SHISA6: variants seen among roughly 807,000 people sequenced by gnomAD.
The protein encoded by SHISA6 is protein shisa-6.
In SHISA6, 22 loss-of-function variants were observed where a neutral mutation model predicts 47.9. The observed-to-expected ratio is 0.46, with a 90% CI of 0.33 to 0.66. The LOEUF is 0.66. SHISA6 is among the 30% of genes least tolerant of loss of function. The pLI is 0.02. For synonymous variants in SHISA6, 388 were observed against 337.8 expected, an observed-to-expected ratio of 1.15 and a Z score of -1.63; for missense variants, 680 against 764.6, an observed-to-expected ratio of 0.89 and a Z score of 1.30.
intron 2 of SHISA6, among the ~76,000 whole-genome samples, chr17:11,357,162 T>C (rs995526268): frequency 1.7e-5 from 2 of 115,792 alleles, no homozygotes; most frequent in Admixed American, 1.3e-4. Flanking sequence ...CACTCCAGCC[T>C]GGGCGACAGA....
At chr17:11,263,550 A>G (rs1257960220) in intron 2 of SHISA6, 24 bp downstream of exon 2, 2 of 1,551,084 alleles carry the variant, frequency 1.3e-6, no homozygotes, top group Admixed American at 3.9e-5. Flanking sequence ...GGGCACCTTG[A>G]TTCTTTGCTG....
intron 1 of SHISA6, among the ~76,000 whole-genome samples, chr17:11,260,776 C>T (rs1182776586): frequency 6.6e-6 from 1 of 152,014 alleles, no homozygotes; most frequent in Non-Finnish European, 1.5e-5. Flanking sequence ...TCCCATTTCT[C>T]TCCTCTCTCC....
At chr17:11,403,918 A>G (rs1913859994) in intron 3 of SHISA6, among the ~76,000 whole-genome samples, 1 of 152,196 alleles carries the variant, frequency 6.6e-6, no homozygotes, top group Non-Finnish European at 1.5e-5. Flanking sequence ...TCAGGAACAC[A>G]GTTGCTTGGA....
At chr17:11,472,942 C>T (rs1915966487) in intron 3 of SHISA6, among the ~76,000 whole-genome samples, 1 of 152,030 alleles carries the variant, frequency 6.6e-6, no homozygotes, top group Non-Finnish European at 1.5e-5. Flanking sequence ...GGTTATTTGC[C>T]AGCTATATAT....
chr17:11,540,698 G>T (rs2071826070), intron 3 of SHISA6, among the ~76,000 whole-genome samples: 1 of 152,126 alleles, frequency 6.6e-6, no homozygotes, highest in Admixed American at 6.5e-5. Flanking sequence ...TAATAAAATG[G>T]GTTATTTATG....
chr17:11,402,677 A>C (rs1913818629), intron 3 of SHISA6, among the ~76,000 whole-genome samples: 3 of 152,238 alleles, frequency 2.0e-5, no homozygotes, highest in Admixed American at 1.3e-4. Context: ...TGGCCACAGC[A>C]AGTCACATGG....
At chr17:11,283,401 A>C (rs1340328805) in intron 2 of SHISA6, among the ~76,000 whole-genome samples, 2 of 152,196 alleles carry the variant, frequency 1.3e-5, no homozygotes, top group African/African-American at 2.4e-5. Context: ...ACTTCAACTC[A>C]AGTTTTCTGA....
At chr17:11,433,832 A>G (rs907617727) in intron 3 of SHISA6, among the ~76,000 whole-genome samples, 1 of 152,040 alleles carries the variant, frequency 6.6e-6, no homozygotes, top group African/African-American at 2.4e-5. Flanking sequence ...TCAAGATGCA[A>G]AGCCCCAGGA....
At chr17:11,325,400 T>C (rs963129330) in intron 2 of SHISA6, among the ~76,000 whole-genome samples, 3 of 152,232 alleles carry the variant, frequency 2.0e-5, no homozygotes, top group Admixed American at 1.3e-4. Flanking sequence ...CCCGAGGGCA[T>C]TGGGCAGCTG....
intron 3 of SHISA6, among the ~76,000 whole-genome samples, chr17:11,535,220 C>A (rs990723344): frequency 3.9e-5 from 6 of 152,128 alleles, no homozygotes; most frequent in African/African-American, 1.4e-4. Flanking sequence ...GCATGTTCAT[C>A]CATGTCCATA....
At chr17:11,455,588 G>A (rs898832723) in intron 3 of SHISA6, among the ~76,000 whole-genome samples, 1 of 152,120 alleles carries the variant, frequency 6.6e-6, no homozygotes, top group African/African-American at 2.4e-5. Context: ...CACCCAAATG[G>A]CACTCTTCAC....
chr17:11,405,162 A>G (rs1344171275), intron 3 of SHISA6, among the ~76,000 whole-genome samples: 5 of 152,242 alleles, frequency 3.3e-5, no homozygotes, highest in African/African-American at 1.2e-4. Flanking sequence ...AACTTCAATA[A>G]GCTTCCAAGA....
chr17:11,550,528 G>A (rs1233597124), intron 3 of SHISA6, among the ~76,000 whole-genome samples: 1 of 152,144 alleles, frequency 6.6e-6, no homozygotes, highest in Non-Finnish European at 1.5e-5. Context: ...TTAGGAGATG[G>A]CTACAGGGAA....
intron 3 of SHISA6, among the ~76,000 whole-genome samples, chr17:11,495,765 CT>C (rs140009351): frequency 0.1 from 15,818 of 152,222 alleles, 1,038 homozygotes; most frequent in Non-Finnish European, 0.14. Flanking sequence ...ATATTATGGG[CT>C]AACATTCTGT....
chr17:11,473,096 C>T (rs558552242), intron 3 of SHISA6, among the ~76,000 whole-genome samples: 2 of 152,216 alleles, frequency 1.3e-5, no homozygotes, highest in East Asian at 1.9e-4. Flanking sequence ...CATATATTTC[C>T]TCCCAGGCTG....
chr17:11,354,052 A>G (rs73975305), intron 2 of SHISA6, among the ~76,000 whole-genome samples: 8 of 152,184 alleles, frequency 5.3e-5, no homozygotes, highest in African/African-American at 1.9e-4. Flanking sequence ...TCAGATGTTT[A>G]TCAGTATCCC....
chr17:11,446,425 G>A (rs2142301591), intron 3 of SHISA6, among the ~76,000 whole-genome samples: 1 of 152,306 alleles, frequency 6.6e-6, no homozygotes, highest in East Asian at 1.9e-4. Flanking sequence ...GCAGCTCTCT[G>A]GCCCTGCCGC....
At chr17:11,549,982 C>G (rs968913141) in intron 3 of SHISA6, among the ~76,000 whole-genome samples, 1 of 152,124 alleles carries the variant, frequency 6.6e-6, no homozygotes, top group African/African-American at 2.4e-5. Context: ...ATCTGTCTTG[C>G]GAAGGGACAG....
intron 2 of SHISA6, among the ~76,000 whole-genome samples, chr17:11,264,095 C>G (rs894732220): frequency 2.0e-5 from 3 of 152,104 alleles, no homozygotes; most frequent in Non-Finnish European, 4.4e-5. Context: ...AAGAAAATGG[C>G]AGGGCTTATT....
Sources: gnomAD v4.1 joint callset for allele counts (sites outside exome capture counted in the v4.1 genomes callset) on GRCh38, gnomAD v4.1.1 for gene constraint, MANE v1.5 for transcripts, NCBI Gene and HGNC (gene_info 2026-07-23, HGNC 2026-07-21) for gene names.